Variants in SLC5A10 observed in about 807,000 individuals in gnomAD.
SLC5A10 encodes the protein solute carrier family 5 member 10.
Under a neutral mutation model 68.9 loss-of-function variants are expected in SLC5A10, and 55 were observed. The observed-to-expected ratio is 0.80, with a 90% CI of 0.64 to 1.00. SLC5A10 has a LOEUF of 1.00. SLC5A10 is among the 50% of genes least tolerant of loss of function. The pLI is 0.00. For missense variants in SLC5A10, 732 were observed against 819.3 expected, an observed-to-expected ratio of 0.89 and a Z score of 1.30; for synonymous variants, 344 against 344.8, an observed-to-expected ratio of 1.00 and a Z score of 0.02.
At chr17:19,006,051 G>A (rs979326972) in intron 9 of SLC5A10, among the ~76,000 whole-genome samples, 1 of 152,152 alleles carries the variant, frequency 6.6e-6, no homozygotes, top group Non-Finnish European at 1.5e-5. Flanking sequence ...AGTTCAGGAA[G>A]GGAGTCCAAG....
chr17:18,979,303 C>G, intron 9 of SLC5A10: 2 of 550,618 alleles, frequency 3.6e-6, no homozygotes, highest in African/African-American at 1.9e-5. Context: ...TGCGAAGGCA[C>G]GGCCTGGCCA....
Position 18,976,906 on chromosome 17 carries a change from G to A in SLC5A10, c.899G>A (p.Gly300Asp). 2 of 1,613,638 alleles carry A rather than the reference G, an allele frequency of 1.2e-6. No homozygotes were observed. The highest frequency in any genetic ancestry group is 1.7e-6 in the Non-Finnish European group (2 of 1,180,016). Residue 300 changes from glycine (G) to aspartate (D), a missense_variant, in exon 9 of 15, where the codon GGC becomes GAC. Coordinates refer to ENST00000395645, the MANE Select transcript of SLC5A10 (RefSeq NM_001042450.4). ...SARDLNHAKA[G>D]SILASYLKML... ...CGGGACCTGAACCATGCCAAGGCGG[G>A]CTCCATCCTGGCCAGCTACCTCAAG...
At chr17:18,979,472 G>A (rs957506105) in intron 9 of SLC5A10, 14 of 1,555,966 alleles carry the variant, frequency 9.0e-6, no homozygotes, top group Non-Finnish European at 1.2e-5. Flanking sequence ...GAATAACCAG[G>A]GTTAGGATTA....
chr17:19,003,771 CGGGCCCCTG>C lies in SLC5A10; in HGVS notation c.983-9638_983-9630del. 6.2e-7 allele frequency: 1 copy of C among 1,610,040 alleles called. No homozygotes were observed. The highest frequency in any genetic ancestry group is 8.5e-7 in the Non-Finnish European group (1 of 1,178,786). On this transcript the variant is annotated intron_variant, in intron 9 of 14. Coordinates refer to ENST00000395645, the MANE Select transcript of SLC5A10 (RefSeq NM_001042450.4). This position sits in a 1 kb window ranked among gnomAD's most constrained non-coding sequence, Gnocchi z 4.5. ...TCGCCGTCGCCGACCCCATTGTCCT[CGGGCCCCTG>C]AGAGGGGCCCGTGCCCCGAGGGTCC...
At chr17:19,002,776 A>C (rs1433176363) in intron 9 of SLC5A10, among the ~76,000 whole-genome samples, 2 of 152,200 alleles carry the variant, frequency 1.3e-5, no homozygotes, top group Non-Finnish European at 2.9e-5. Flanking sequence ...GTGTCAGCCA[A>C]GAATGGCCCC....
rs200567946 is a variant in SLC5A10, at chr17:19,019,448, G to C, written c.1267G>C (p.Val423Leu). The change falls in exon 12 of 15, where the codon GTG becomes CTG. Residue 423 changes from valine (V) to leucine (L), a missense_variant. Coordinates refer to ENST00000395645, the MANE Select transcript of SLC5A10 (RefSeq NM_001042450.4). ...GRLVIVALIG[V>L]SVAWIPVLQD... is the part of the protein sequence containing the mutation. Reference sequence around the variant, plus strand: ...GCTGGTCATAGTGGCACTCATCGGCGTGAGTGTGGCCTGGATCCCCGTCCT... The same window carrying C: ...GCTGGTCATAGTGGCACTCATCGGCCTGAGTGTGGCCTGGATCCCCGTCCT... The C allele has an allele frequency of 4.3e-6, 7 of 1,611,390 alleles. No homozygotes were observed. The highest frequency in any genetic ancestry group is 5.9e-6 in the Non-Finnish European group (7 of 1,179,888).
chr17:19,022,035 G>A lies in SLC5A10; in HGVS notation c.*1604G>A, dbSNP rs1160467773. 1.3e-6 allele frequency: 2 copies of A among 1,599,298 alleles called. No individual in the cohort carries two copies. Among genetic ancestry groups the A allele is most frequent in the South Asian group, 1.1e-5 (1 of 88,778 alleles). ...GCAGGACCGGCCCCGCCACCAGTGGGGGTCTGGGCGCTCCAGGACCTCAAT... is the reference window on the plus strand; with the variant it reads ...GCAGGACCGGCCCCGCCACCAGTGGAGGTCTGGGCGCTCCAGGACCTCAAT... On this transcript the variant is annotated 3_prime_UTR_variant, in exon 15 of 15. Coordinates refer to ENST00000395645, the MANE Select transcript of SLC5A10 (RefSeq NM_001042450.4).
intron 9 of SLC5A10, chr17:18,977,712 GGGCACTCA>G: frequency 6.2e-7 from 1 of 1,610,056 alleles, no homozygotes; most frequent in Non-Finnish European, 8.5e-7. Context: ...GTTATATGGG[GGGCACTCA>G]GCTGCCGGCG....
chr17:18,978,957 G>T, intron 9 of SLC5A10: 1 of 1,306,636 alleles, frequency 7.7e-7, no homozygotes, highest in Non-Finnish European at 1.1e-6. Flanking sequence ...ACAGGGCCCT[G>T]GGATCAAGAA....
At chr17:19,015,740 C>CA (rs1422559816) in intron 11 of SLC5A10, among the ~76,000 whole-genome samples, 1 of 152,228 alleles carries the variant, frequency 6.6e-6, no homozygotes, top group East Asian at 1.9e-4. Flanking sequence ...GACCCTCAAC[C>CA]AAGGAATGAG....
At chr17:18,999,479 C>A (rs8077103) in intron 9 of SLC5A10, among the ~76,000 whole-genome samples, 20,623 of 151,966 alleles carry the variant, frequency 0.14, 3,124 homozygotes, top group African/African-American at 0.35. Context: ...GACCTCAGGC[C>A]AGTTATTTGC....
At chr17:18,952,613 G>A in intron 1 of SLC5A10, 2 of 270,918 alleles carry the variant, frequency 7.4e-6, no homozygotes, top group Middle Eastern at 1.2e-3. Flanking sequence ...TGGCCCATCA[G>A]CCTCCTGGTC....
Position 19,019,588 on chromosome 17 carries a change from G to A in SLC5A10, c.1407G>A (p.Glu469=), listed in dbSNP as rs1338672436. ...GCGTCTTCTGGCGACGTGCCAACGA[G>A]CAGGTGGGCGTCGGCGGTCTGCTCT... The part of the protein sequence containing the change: ...VLGVFWRRAN[E]QGAFWGLIAG... Residue 469 remains glutamate (E), a synonymous_variant, in exon 12 of 15, where the codon GAG becomes GAA. Transcript: ENST00000395645. 2.5e-6 allele frequency: 4 copies of A among 1,611,098 alleles called. No individual in the cohort carries two copies. In the South Asian group the frequency reaches 3.3e-5, roughly 13 times the overall value.
chr17:18,957,464 T>C (rs1274393868), intron 1 of SLC5A10, among the ~76,000 whole-genome samples: 2 of 149,902 alleles, frequency 1.3e-5, no homozygotes, highest in Non-Finnish European at 2.9e-5. Flanking sequence ...CATTTTATTT[T>C]ATTTTATTTT....
At position 19,004,123 on chromosome 17, in the gene SLC5A10, C is replaced by A; in HGVS notation, c.983-9287C>A. On this transcript the variant is annotated intron_variant, in intron 9 of 14. Transcript: ENST00000395645. This position sits in a 1 kb window ranked among gnomAD's most constrained non-coding sequence, Gnocchi z 5.4. ...GCTCCGGCCCAGCTGGGGCACCGCG[C>A]GCTCGGGGGCCTCTCCGCGGCCTCT... 7.3e-7 allele frequency: 1 copy of A among 1,371,854 alleles called. No homozygotes were observed. The highest frequency in any genetic ancestry group is 9.9e-7 in the Non-Finnish European group (1 of 1,010,796). The allele number at this position is 1,371,854 out of a possible 1,614,324, so 85.0% of individuals were successfully genotyped here.
chr17:18,990,764 C>T (rs773834695), intron 9 of SLC5A10, among the ~76,000 whole-genome samples: 2 of 151,062 alleles, frequency 1.3e-5, no homozygotes, highest in African/African-American at 2.4e-5. Flanking sequence ...GTAACAGGCA[C>T]GAGCTTATGC....
intron 9 of SLC5A10, chr17:18,977,765 G>A: frequency 1.2e-6 from 2 of 1,604,168 alleles, no homozygotes; most frequent in African/African-American, 2.7e-5. Flanking sequence ...CACTTGCTCT[G>A]AGTGGCGCCT....
intron 10 of SLC5A10, 85 bp from the exon 11 acceptor site, chr17:19,014,964 C>T: frequency 6.6e-7 from 1 of 1,506,138 alleles, no homozygotes; most frequent in African/African-American, 1.4e-5. Context: ...GGCGGGCGGG[C>T]CTCAGGCATT....
chr17:18,982,888 T>A (rs1379032073), intron 9 of SLC5A10, among the ~76,000 whole-genome samples: 2 of 152,222 alleles, frequency 1.3e-5, no homozygotes, highest in Non-Finnish European at 2.9e-5. Context: ...GCCTCAGTTT[T>A]CTCATCTATG....
Sources: gnomAD v4.1 joint callset for allele counts (sites outside exome capture counted in the v4.1 genomes callset) on GRCh38, gnomAD v4.1.1 for gene constraint, Gnocchi (gnomAD v3.1) non-coding constraint, MANE v1.5 for transcripts, NCBI Gene and HGNC (gene_info 2026-07-23, HGNC 2026-07-21) for gene names.